Variants in NMT1 observed in about 807,000 individuals in gnomAD.
NMT1 encodes N-myristoyltransferase 1, also known as glycylpeptide N-tetradecanoyltransferase 1.
NMT1 carries 12 observed loss-of-function variants against 63.4 expected under a neutral mutation model. That is an observed-to-expected ratio of 0.19 (90% CI 0.12 to 0.31). NMT1 has a LOEUF of 0.31. NMT1 is among the 10% of genes least tolerant of loss of function. NMT1 has a pLI of 1.00. For missense variants in NMT1, 432 were observed against 634.6 expected, an observed-to-expected ratio of 0.68 and a Z score of 3.43; for synonymous variants, 228 against 234.3, an observed-to-expected ratio of 0.97 and a Z score of 0.25.
chr17:45,099,087 A>G (rs1298677022), intron 7 of NMT1, among the ~76,000 whole-genome samples: 1 of 152,222 alleles, frequency 6.6e-6, no homozygotes, highest in South Asian at 2.1e-4. Context: ...CTCTGCCATC[A>G]TCTTCTGGGC....
intron 4 of NMT1, among the ~76,000 whole-genome samples, chr17:45,095,110 C>CTT (rs36075240): frequency 8.5e-5 from 12 of 141,808 alleles, no homozygotes; most frequent in African/African-American, 3.2e-4. Context: ...TGCGCCCAGT[C>CTT]TTTTTTTTTT....
intron 7 of NMT1, among the ~76,000 whole-genome samples, chr17:45,099,087 A>T (rs1298677022): frequency 6.6e-6 from 1 of 152,222 alleles, no homozygotes; most frequent in Non-Finnish European, 1.5e-5. Flanking sequence ...CTCTGCCATC[A>T]TCTTCTGGGC....
In NMT1 at chr17:45,102,942, T is replaced by G; in HGVS notation, c.994-9T>G. 6.2e-7 allele frequency: 1 copy of G among 1,605,118 alleles called. No individual in the cohort carries two copies. The highest frequency in any genetic ancestry group is 2.2e-5 in the East Asian group (1 of 44,596). On this transcript the variant is annotated splice_polypyrimidine_tract_variant and intron_variant, in intron 8 of 11. Coordinates refer to ENST00000258960, the MANE Select transcript of NMT1 (RefSeq NM_021079.5). ...TCATCTCACTCCATCTCTTCTGTCT[T>G]GCCTCCAGACTCCCAAGACAGCTGG...
At chr17:45,075,297 A>T (rs1260624674) in intron 1 of NMT1, among the ~76,000 whole-genome samples, 1 of 152,012 alleles carries the variant, frequency 6.6e-6, no homozygotes, top group African/African-American at 2.4e-5. Flanking sequence ...CAGACTGGCC[A>T]ACATGGTGAA....
intron 5 of NMT1, among the ~76,000 whole-genome samples, chr17:45,096,844 CTTGGT>C (rs1387085922): frequency 6.6e-6 from 1 of 152,254 alleles, no homozygotes; most frequent in Admixed American, 6.5e-5. Context: ...ATGCCAGTAC[CTTGGT>C]TCAAGCTGTC....
intron 1 of NMT1, among the ~76,000 whole-genome samples, chr17:45,063,434 G>A (rs932516919): frequency 6.6e-6 from 1 of 151,866 alleles, no homozygotes; most frequent in African/African-American, 2.4e-5. Context: ...CTGAATCACA[G>A]ATGAGAGTTG....
Position 45,096,299 on chromosome 17 carries a change from GC to G in NMT1, c.596+15del. On this transcript the variant is annotated intron_variant, in intron 5 of 11. Transcript: ENST00000258960. ...GTTTCTTTTGTGGTAAGTTGTGGGG[GC>G]TTTCTTGAGGTTCTTGAGAGGAAGG... The G allele has an allele frequency of 6.2e-7, 1 of 1,603,092 alleles. No individual in the cohort carries two copies. The highest frequency in any genetic ancestry group is 2.2e-5 in the East Asian group (1 of 44,818).
In NMT1 at chr17:45,088,483, A is replaced by G. The variant is rs965701011; in HGVS notation, c.385+1831A>G. 3.3e-5 allele frequency among the ~76,000 whole-genome samples: 5 copies of G among 152,346 alleles called. No homozygotes were observed. The East Asian group carries it at 9.6e-4, about 29-fold the overall frequency. ...AAAGAGGCAGATTGAGGCTGGGCGC[A>G]GTGGCTCACGCCTGTAATCCCAGCA... On this transcript the variant is annotated intron_variant, in intron 3 of 11. Transcript: ENST00000258960.
In NMT1 at chr17:45,061,365, G is replaced by C. The variant is rs780444510; in HGVS notation, c.36G>C (p.Pro12=). 1.9e-6 allele frequency: 3 copies of C among 1,613,940 alleles called. No individual in the cohort carries two copies. The highest frequency in any genetic ancestry group is 1.1e-5 in the South Asian group (1 of 91,040). Residue 12 remains proline (P), a synonymous_variant, in exon 1 of 12, where the codon CCG becomes CCC. Coordinates refer to ENST00000258960, the MANE Select transcript of NMT1 (RefSeq NM_021079.5). The part of the protein sequence containing the change: ...ADESETAVKP[P]APPLPQMMEG... ...AGAGTGAGACAGCAGTGAAGCCGCC[G>C]GCACCTCCGCTGCCGCAGATGATGG...
At chr17:45,079,852 A>G (rs2054003274) in intron 1 of NMT1, among the ~76,000 whole-genome samples, 1 of 151,790 alleles carries the variant, frequency 6.6e-6, no homozygotes, top group Non-Finnish European at 1.5e-5. Flanking sequence ...GGCGCCTGCC[A>G]CCACGCCTGG....
At position 45,104,556 on chromosome 17, in the gene NMT1, CTG is replaced by C. The variant is rs2054190849; in HGVS notation, c.1333-300_1333-299del. The C allele has an allele frequency of 3.4e-6, 4 of 1,181,134 alleles. No homozygotes were observed. Among genetic ancestry groups the C allele is most frequent in the Middle Eastern group, 3.6e-4 (1 of 2,786 alleles). 73.2% of individuals were successfully genotyped at this position (1,181,134 alleles called of 1,614,324 possible). On this transcript the variant is annotated intron_variant, in intron 10 of 11. Transcript: ENST00000258960. This position sits in a 1 kb window ranked among gnomAD's most constrained non-coding sequence, Gnocchi z 4.2. ...CTCAGGGTTTGGACTCCAGAGAGGA[CTG>C]TGGAAATTACTAGAGTTTCAGGGAG...
At chr17:45,071,320 G>A (rs757292541) in intron 1 of NMT1, 2 of 152,080 alleles carry the variant, frequency 1.3e-5, no homozygotes, top group African/African-American at 2.4e-5. Context: ...TCAGCCTCCC[G>A]AGTGACTGGG....
rs543161241 is a variant in NMT1 at position 45,105,112 on chromosome 17, T to C, written c.1470+116T>C. The C allele has an allele frequency of 4.1e-4, 546 of 1,347,894 alleles. 5 individuals carry two copies. In the African/African-American group the frequency reaches 6.3e-3, roughly 15 times the overall value. 83.5% of individuals were successfully genotyped at this position (1,347,894 alleles called of 1,614,324 possible). A position where few individuals can be genotyped will look rare whatever the true frequency, so the allele number is the denominator to read the frequency against. ...CAGTCTGGGTCCTTGTTACCTCGAG[T>C]TGAACCTTTGAAAATGCCCTCCCTC... On this transcript the variant is annotated intron_variant, in intron 11 of 11. Transcript: ENST00000258960. The surrounding 1 kb of genome is among the most constrained non-coding windows in gnomAD (Gnocchi z 4.2).
intron 4 of NMT1, among the ~76,000 whole-genome samples, chr17:45,095,734 T>G (rs1421602297): frequency 1.3e-5 from 2 of 152,084 alleles, no homozygotes; most frequent in Non-Finnish European, 2.9e-5. Flanking sequence ...ATCACACCAG[T>G]GCACTCCAGC....
intron 1 of NMT1, among the ~76,000 whole-genome samples, chr17:45,064,809 C>T (rs2053891107): frequency 6.6e-6 from 1 of 152,156 alleles, no homozygotes; most frequent in African/African-American, 2.4e-5. Flanking sequence ...GGCGACAGAG[C>T]AAGCCTCTGA....
At chr17:45,069,879 C>CAA (rs540316068) in intron 1 of NMT1, among the ~76,000 whole-genome samples, 29 of 117,820 alleles carry the variant, frequency 2.5e-4, no homozygotes, top group Middle Eastern at 4.3e-3. Context: ...GACTCCATCT[C>CAA]AAAAAAAAAA....
In NMT1 at chr17:45,103,712, G is replaced by A. The variant is rs749387380; in HGVS notation, c.1168G>A (p.Ala390Thr). Residue 390 changes from alanine to threonine, a missense_variant, in exon 10 of 12, where the codon GCA becomes ACA. This residue lies in a region of NMT1 where 295 missense variants were observed against 489.7 expected (regional missense o/e 0.60). Coordinates refer to ENST00000258960, the MANE Select transcript of NMT1 (RefSeq NM_021079.5). This position sits in a 1 kb window ranked among gnomAD's most constrained non-coding sequence, Gnocchi z 4.8. The part of the protein sequence containing the change: ...NIIDTFVVEN[A>T]NGEVTDFLSF... ...CTCTTTATTGCCTTCCCTTCAGAAC[G>A]CAAACGGAGAGGTGACAGATTTCCT... 1.2e-5 allele frequency: 19 copies of A among 1,611,320 alleles called. No individual in the cohort carries two copies. In the East Asian group the frequency reaches 2.9e-4, roughly 25 times the overall value.
chr17:45,095,102 C>CACACCG, intron 4 of NMT1, among the ~76,000 whole-genome samples: 1 of 114,854 alleles, frequency 8.7e-6, no homozygotes. Flanking sequence ...TGAGCCACTG[C>CACACCG]GCCCAGTCTT....
chr17:45,068,270 G>A (rs1258592773), intron 1 of NMT1, among the ~76,000 whole-genome samples: 3 of 152,152 alleles, frequency 2.0e-5, no homozygotes, highest in Non-Finnish European at 2.9e-5. Flanking sequence ...TCAGGAGTTC[G>A]AGACCAGCCG....
Sources: allele counts gnomAD v4.1 joint callset (sites outside exome capture counted in the v4.1 genomes callset), GRCh38; gene constraint gnomAD v4.1.1; regional missense constraint gnomAD v4.1.1; non-coding constraint Gnocchi (gnomAD v3.1); transcripts MANE v1.5; gene names NCBI Gene and HGNC (gene_info 2026-07-23, HGNC 2026-07-21).